Variants in TRAM1 observed in about 807,000 individuals in gnomAD.
The protein encoded by TRAM1 is translocating chain-associated membrane protein 1.
TRAM1 carries 17 observed loss-of-function variants against 48.7 expected under a neutral mutation model. The ratio of observed to expected loss-of-function variants is 0.35; its 90% CI spans 0.24 to 0.52. The LOEUF is 0.52. TRAM1 is among the 20% of genes least tolerant of loss of function. The probability of loss-of-function intolerance (pLI) is 0.94; values close to 1 mark genes in which losing one functional copy is unlikely to be tolerated. For synonymous variants in TRAM1, 182 were observed against 154.0 expected (o/e 1.18, Z -1.34); for missense variants, 351 against 441.5 (o/e 0.79, Z 1.84).
intron 8 of TRAM1, among the ~76,000 whole-genome samples, chr8:70,586,402 C>A (rs917105864): frequency 4.6e-5 from 7 of 151,628 alleles, no homozygotes; most frequent in Admixed American, 3.9e-4. Flanking sequence ...TGCACATGTA[C>A]CCTAAAACTT....
chr8:70,592,389 G>A (rs900308108), intron 6 of TRAM1, among the ~76,000 whole-genome samples: 1 of 152,110 alleles, frequency 6.6e-6, no homozygotes, highest in Non-Finnish European at 1.5e-5. Context: ...AATTTTCATA[G>A]AGTAAATTTT....
chr8:70,586,792 GC>G, intron 8 of TRAM1, 102 bp downstream of exon 8: 1 of 926,208 alleles, frequency 1.1e-6, no homozygotes, highest in Non-Finnish European at 1.6e-6. Flanking sequence ...GCTACTGATC[GC>G]TTAAAAAGTT....
intron 6 of TRAM1, among the ~76,000 whole-genome samples, chr8:70,589,479 T>C (rs1488855707): frequency 6.6e-6 from 1 of 152,184 alleles, no homozygotes; most frequent in African/African-American, 2.4e-5. Flanking sequence ...CCCAGTGTGG[T>C]GTGTACATTG....
intron 8 of TRAM1, among the ~76,000 whole-genome samples, chr8:70,584,480 T>A (rs1056860569): frequency 5.3e-5 from 8 of 152,260 alleles, no homozygotes; most frequent in African/African-American, 1.7e-4. Context: ...TTAGGAAAAG[T>A]GGAAGTCTAA....
chr8:70,580,070 T>C (rs903450478), intron 10 of TRAM1, among the ~76,000 whole-genome samples: 4 of 152,200 alleles, frequency 2.6e-5, no homozygotes, highest in Admixed American at 6.5e-5. Flanking sequence ...GAAAAATGTA[T>C]GAGATCCCTA....
In TRAM1 at chr8:70,608,149, T is replaced by C. The variant is rs748832051; in HGVS notation, c.51A>G (p.Glu17=). Residue 17 remains glutamate, a synonymous_variant, in exon 1 of 11, where the codon GAA becomes GAG. Coordinates refer to ENST00000262213, the MANE Select transcript of TRAM1 (RefSeq NM_014294.6). The part of the protein sequence containing the change: ...STKSPPVLSH[E]FVLQNHADIV... ...TGTCCGCGTGATTCTGCAGGACGAA[T>C]TCGTGGCTCAGCACTGGGGGGCTCT... The C allele has an allele frequency of 6.3e-7, 1 of 1,599,310 alleles. No homozygotes were observed. Among genetic ancestry groups the C allele is most frequent in the Non-Finnish European group, 8.5e-7 (1 of 1,173,824 alleles).
rs1490915284 is a variant in TRAM1, at chr8:70,573,728, GA to G, written c.*1203del. 6.6e-6 allele frequency: 1 copy of G among 152,442 alleles called. No individual in the cohort carries two copies. Among genetic ancestry groups the G allele is most frequent in the African/African-American group, 2.4e-5 (1 of 41,404 alleles). The allele number at this position is 152,442 out of a possible 1,614,324, so 9.4% of individuals were successfully genotyped here. A position where few individuals can be genotyped will look rare whatever the true frequency, so the allele number is the denominator to read the frequency against. On this transcript the variant is annotated 3_prime_UTR_variant, in exon 11 of 11. Transcript: ENST00000262213. ...GGGAACAAGATGTGAACACTGAAAAGAACAATATATATACTGTAAATATGAT... is the reference window on the plus strand; with the variant it reads ...GGGAACAAGATGTGAACACTGAAAAGACAATATATATACTGTAAATATGAT...
chr8:70,579,816 T>G (rs1039859049), intron 10 of TRAM1, among the ~76,000 whole-genome samples: 3 of 152,168 alleles, frequency 2.0e-5, no homozygotes, highest in Non-Finnish European at 2.9e-5. Context: ...TATTGAATAT[T>G]ATGGTTTAGT....
intron 1 of TRAM1, chr8:70,606,849 T>C (rs1411696275): frequency 1.0e-6 from 1 of 967,202 alleles, no homozygotes; most frequent in Non-Finnish European, 1.2e-6. Flanking sequence ...AAAACAAATA[T>C]GCTCCATTAA....
At chr8:70,594,364 T>C (rs181782178) in intron 6 of TRAM1, 142 bp downstream of exon 6, 2 of 286,126 alleles carry the variant, frequency 7.0e-6, no homozygotes, top group East Asian at 6.1e-5. Context: ...GGAAAGAGGG[T>C]TGGTGGGAGA....
chr8:70,582,116 ATTAAAGCTATTAAAAATATTACT>A (rs1817088453), intron 10 of TRAM1, among the ~76,000 whole-genome samples: 1 of 152,238 alleles, frequency 6.6e-6, no homozygotes, highest in Admixed American at 6.5e-5. Flanking sequence ...ATTACATCCC[ATTAAAGCTATTAAAAATATTACT>A]TGGAGAAATT....
At chr8:70,575,972 G>A (rs1384034498) in intron 10 of TRAM1, among the ~76,000 whole-genome samples, 2 of 151,064 alleles carry the variant, frequency 1.3e-5, no homozygotes, top group Non-Finnish European at 2.9e-5. Flanking sequence ...GACTACCTGG[G>A]AGGCAGGAGA....
At chr8:70,586,868 G>T in intron 8 of TRAM1, 27 bp downstream of exon 8, 1 of 1,586,850 alleles carries the variant, frequency 6.3e-7, no homozygotes, top group South Asian at 1.1e-5. Flanking sequence ...CCTAGTACAC[G>T]AGAAATAGAA....
chr8:70,579,111 G>T (rs1817020907), intron 10 of TRAM1, among the ~76,000 whole-genome samples: 1 of 152,276 alleles, frequency 6.6e-6, no homozygotes, highest in East Asian at 1.9e-4. Context: ...CACTTAACAG[G>T]CTATGTTTTA....
At position 70,591,007 on chromosome 8, in the gene TRAM1, T is replaced by TA. The variant is rs766457339; in HGVS notation, c.570+3498dup. Among the ~76,000 whole-genome samples, 137 of 129,346 alleles carry TA rather than the reference T, an allele frequency of 1.1e-3. 1 individual carries two copies. The highest frequency in any genetic ancestry group is 3.8e-3 in the Middle Eastern group (1 of 264). The allele number at this position is 129,346 out of a possible 152,430, so 84.9% of individuals were successfully genotyped here. A position where few individuals can be genotyped will look rare whatever the true frequency, so the allele number is the denominator to read the frequency against. Reference sequence around the variant, plus strand: ...ATGGGGATAACAACAACAATAATAATAAAAAAAAAAAAGAGATGAGTAGAA... The same window carrying TA: ...ATGGGGATAACAACAACAATAATAATAAAAAAAAAAAAAGAGATGAGTAGAA... On this transcript the variant is annotated intron_variant, in intron 6 of 10. Transcript: ENST00000262213.
chr8:70,604,228 T>G (rs1817672589), intron 1 of TRAM1, among the ~76,000 whole-genome samples: 1 of 37,024 alleles, frequency 2.7e-5, no homozygotes, highest in Non-Finnish European at 5.9e-5. Flanking sequence ...CTGTATGCAA[T>G]GTCATAAATA....
chr8:70,590,327 TACAA>T (rs1206458141), intron 6 of TRAM1, among the ~76,000 whole-genome samples: 7 of 152,154 alleles, frequency 4.6e-5, no homozygotes, highest in African/African-American at 1.4e-4. Context: ...TATTATAAAT[TACAA>T]ACAAACTATA....
intron 1 of TRAM1, among the ~76,000 whole-genome samples, chr8:70,605,189 GAAT>G (rs1362054713): frequency 1.3e-5 from 2 of 152,062 alleles, no homozygotes; most frequent in Non-Finnish European, 2.9e-5. Context: ...AGTTTTTAAA[GAAT>G]AATAATAGCT....
Position 70,608,207 on chromosome 8 carries a change from C to T in TRAM1, c.-8G>A. On this transcript the variant is annotated 5_prime_UTR_variant, in exon 1 of 11. Transcript: ENST00000262213. ...TTTCTTGCGAATCGCCATGGTGGGGCCGCCGCCCGCGCCTGCAGGTGCTCC... is the reference window on the plus strand; with the variant it reads ...TTTCTTGCGAATCGCCATGGTGGGGTCGCCGCCCGCGCCTGCAGGTGCTCC... 6.3e-7 allele frequency: 1 copy of T among 1,585,046 alleles called. No individual in the cohort carries two copies. The highest frequency in any genetic ancestry group is 8.6e-7 in the Non-Finnish European group (1 of 1,168,362).
Sources: allele counts gnomAD v4.1 joint callset (sites outside exome capture counted in the v4.1 genomes callset), GRCh38; gene constraint gnomAD v4.1.1; transcripts MANE v1.5; gene names NCBI Gene and HGNC (gene_info 2026-07-23, HGNC 2026-07-21).